The following SCNN1B variants were observed in gnomAD, a reference collection of about 807,000 sequenced individuals.
SCNN1B encodes the protein epithelial sodium channel subunit beta.
A neutral mutation model predicts 65.3 loss-of-function variants in SCNN1B; 46 were observed. The observed-to-expected ratio is 0.70, with a 90% CI of 0.56 to 0.90. The LOEUF (loss-of-function observed/expected upper bound fraction) is 0.90, where lower values mean the gene tolerates loss of function less well. SCNN1B is among the 40% of genes least tolerant of loss of function. The probability of loss-of-function intolerance (pLI) is 0.00; values close to 1 mark genes in which losing one functional copy is unlikely to be tolerated. For synonymous variants in SCNN1B, 349 were observed against 330.6 expected (o/e 1.06, Z -0.60); for missense variants, 751 against 830.5 (o/e 0.90, Z 1.18).
At chr16:23,350,263 C>T (rs1414564209) in intron 2 of SCNN1B, among the ~76,000 whole-genome samples, 3 of 152,154 alleles carry the variant, frequency 2.0e-5, no homozygotes, top group Admixed American at 6.5e-5. Flanking sequence ...AGTAAGTGAG[C>T]TTGCCTGGAG....
intron 4 of SCNN1B, 146 bp downstream of exon 4, chr16:23,355,635 C>A: frequency 1.2e-6 from 1 of 803,738 alleles, no homozygotes; most frequent in Non-Finnish European, 2.1e-6. Context: ...GCCTCGGTGT[C>A]TTTTAGGTCC....
intron 2 of SCNN1B, among the ~76,000 whole-genome samples, chr16:23,288,651 T>A (rs1301214881): frequency 6.6e-6 from 1 of 152,020 alleles, no homozygotes; most frequent in East Asian, 1.9e-4. Context: ...AAAAAATAAT[T>A]GTAAAAAATG....
Position 23,355,332 on chromosome 16 carries a change from A to G in SCNN1B, c.619A>G (p.Asn207Asp), listed in dbSNP as rs745583396. 1.2e-6 allele frequency: 2 copies of G among 1,614,154 alleles called. No homozygotes were observed. Among genetic ancestry groups the G allele is most frequent in the Non-Finnish European group, 8.5e-7 (1 of 1,180,020 alleles). The stretch of plus-strand genomic sequence containing the variant: ...CAACAGGACCCAGTGTACCTTCCGG[A>G]ACTTCACCAGTGCTACCCAGGCATT... ...SLNRTQCTFRNFTSATQALTE... is the reference protein window; with the variant it reads ...SLNRTQCTFRDFTSATQALTE... The change falls in exon 4 of 13, where the codon AAC becomes GAC. Residue 207 changes from asparagine to aspartate, a missense_variant. Asn to Asp is a conservative substitution (Grantham distance 23, BLOSUM62 1). Coordinates refer to ENST00000343070, the MANE Select transcript of SCNN1B (RefSeq NM_000336.3).
upstream of SCNN1B, among the ~76,000 whole-genome samples, chr16:23,299,084 G>A (rs1383083031): frequency 1.0e-5 from 1 of 95,954 alleles, no homozygotes; most frequent in Non-Finnish European, 2.0e-5. Context: ...TTTCGAGATT[G>A]AGTCTCACTC....
intron 4 of SCNN1B, among the ~76,000 whole-genome samples, chr16:23,362,202 G>T (rs538825841): frequency 6.6e-6 from 1 of 151,848 alleles, no homozygotes; most frequent in Non-Finnish European, 1.5e-5. Context: ...AAAATTAGCC[G>T]GGTGTGTTGG....
At chr16:23,350,684 G>A (rs1045684725) in intron 2 of SCNN1B, among the ~76,000 whole-genome samples, 4 of 151,968 alleles carry the variant, frequency 2.6e-5, no homozygotes, top group African/African-American at 9.7e-5. Flanking sequence ...AGGCCAAAGC[G>A]AGTGGATTAC....
chr16:23,350,039 C>T (rs1205054182), intron 2 of SCNN1B, among the ~76,000 whole-genome samples: 3 of 152,072 alleles, frequency 2.0e-5, no homozygotes, highest in South Asian at 4.2e-4. Flanking sequence ...GATTGCATCA[C>T]TGCACTCCAG....
intron 3 of SCNN1B, among the ~76,000 whole-genome samples, chr16:23,353,756 A>C (rs891755356): frequency 6.6e-6 from 1 of 152,242 alleles, no homozygotes; most frequent in Non-Finnish European, 1.5e-5. Context: ...GCAGGTGAAA[A>C]GCCACAGCTG....
chr16:23,286,757 A>G (rs539775578), intron 2 of SCNN1B, among the ~76,000 whole-genome samples: 10 of 152,270 alleles, frequency 6.6e-5, no homozygotes, highest in African/African-American at 2.4e-4. Context: ...GAGAACGGGA[A>G]GGGAAGCTAG....
At chr16:23,292,567 G>A (rs1425533050) in intron 2 of SCNN1B, among the ~76,000 whole-genome samples, 8 of 151,692 alleles carry the variant, frequency 5.3e-5, no homozygotes, top group Admixed American at 2.6e-4. Context: ...GCAGAGGTGC[G>A]ATCATAGTTC....
chr16:23,302,383 T>C lies in SCNN1B; in HGVS notation c.-63T>C. On this transcript the variant is annotated 5_prime_UTR_variant, in exon 1 of 13. Coordinates refer to ENST00000343070, the MANE Select transcript of SCNN1B (RefSeq NM_000336.3). The stretch of plus-strand genomic sequence containing the variant: ...CGCCAGCTTGGCGCGCACCGCCGCC[T>C]CCGCCACCGCCGACAGCGCGCATCC... The C allele has an allele frequency of 6.2e-6, 1 of 160,574 alleles. No homozygotes were observed. The highest frequency in any genetic ancestry group is 1.4e-5 in the Non-Finnish European group (1 of 73,914). The allele number at this position is 160,574 out of a possible 1,614,324, so 9.9% of individuals were successfully genotyped here.
At chr16:23,308,194 A>C (rs1467847662) in intron 1 of SCNN1B, among the ~76,000 whole-genome samples, 4 of 151,708 alleles carry the variant, frequency 2.6e-5, no homozygotes, top group East Asian at 3.9e-4. Context: ...ACAGAGCAAG[A>C]CTCTGTCTCT....
chr16:23,379,113 A>G (rs888077659), intron 11 of SCNN1B, among the ~76,000 whole-genome samples: 1 of 141,500 alleles, frequency 7.1e-6, no homozygotes, highest in Admixed American at 6.9e-5. Flanking sequence ...TCCATCATCC[A>G]CCCACACACC....
rs1405250157 is a variant in SCNN1B at position 23,307,880 on chromosome 16, C to CA, written c.-9+5450dup. 4.0e-5 allele frequency among the ~76,000 whole-genome samples: 6 copies of CA among 151,636 alleles called. No individual in the cohort carries two copies. The East Asian group carries it at 7.8e-4, about 20-fold the overall frequency. On this transcript the variant is annotated intron_variant, in intron 1 of 12. Coordinates refer to ENST00000343070, the MANE Select transcript of SCNN1B (RefSeq NM_000336.3). ...GCCCAAGCAACATAGCAAGACCCTA[C>CA]AAAAAAATTCAAAAATTAGCCGGGT...
At chr16:23,301,643 T>TG (rs1179803489), upstream of SCNN1B, among the ~76,000 whole-genome samples, 1 of 151,970 alleles carries the variant, frequency 6.6e-6, no homozygotes, top group African/African-American at 2.4e-5. Context: ...TTCGAGGAAA[T>TG]GCGCAAGGCC....
chr16:23,365,649 AG>A (rs937953561), intron 4 of SCNN1B, among the ~76,000 whole-genome samples: 10 of 152,086 alleles, frequency 6.6e-5, no homozygotes, highest in South Asian at 2.1e-4. Flanking sequence ...TTGGAAGGAG[AG>A]GGGGGTTGAT....
upstream of SCNN1B, among the ~76,000 whole-genome samples, chr16:23,297,996 C>T (rs1765004866): frequency 6.6e-6 from 1 of 152,174 alleles, no homozygotes; most frequent in African/African-American, 2.4e-5. Context: ...GGTAATATGG[C>T]TTCAACATCT....
At position 23,375,704 on chromosome 16, in the gene SCNN1B, T is replaced by C. The variant is rs770064699; in HGVS notation, c.1153-34T>C. 2.1e-6 allele frequency: 3 copies of C among 1,432,926 alleles called. No homozygotes were observed. The African/African-American group carries it at 4.2e-5, about 20-fold the overall frequency. 88.8% of individuals were successfully genotyped at this position (1,432,926 alleles called of 1,614,324 possible). On this transcript the variant is annotated intron_variant, in intron 7 of 12. Transcript: ENST00000343070. ...ATGGGGACATCACTGACCATGCCTG[T>C]GTTCTCTCCTTATGAACCCCCTACC... is the stretch of plus-strand genomic sequence containing the variant.
intron 3 of SCNN1B, 63 bp from the exon 4 acceptor site, chr16:23,355,236 A>C: frequency 1.3e-6 from 2 of 1,529,770 alleles, no homozygotes; most frequent in Admixed American, 1.7e-5. Context: ...GCCCTCGAGC[A>C]GTGGCTGGGG....
Sources: gnomAD v4.1 joint callset for allele counts (sites outside exome capture counted in the v4.1 genomes callset) on GRCh38, gnomAD v4.1.1 for gene constraint, MANE v1.5 for transcripts, NCBI Gene and HGNC (gene_info 2026-07-23, HGNC 2026-07-21) for gene names.